The following ATP8A2 variants were observed in gnomAD, a reference collection of about 807,000 sequenced individuals.
The protein encoded by ATP8A2 is ATPase phospholipid transporting 8A2, also known as phospholipid-transporting ATPase IB.
Under a neutral mutation model 165.6 loss-of-function variants are expected in ATP8A2, and 100 were observed. That is an observed-to-expected ratio of 0.60 (90% CI 0.51 to 0.71). ATP8A2 has a LOEUF of 0.71. Among genes scored for constraint, ATP8A2 ranks in the 30% least tolerant of loss-of-function variants. The probability of loss-of-function intolerance (pLI) is 0.00; values close to 1 mark genes in which losing one functional copy is unlikely to be tolerated. For synonymous variants in ATP8A2, 543 were observed against 548.8 expected, an observed-to-expected ratio of 0.99 and a Z score of 0.15; for missense variants, 1,227 against 1,479.5, an observed-to-expected ratio of 0.83 and a Z score of 2.80.
At chr13:25,678,442 A>C (rs9511874) in intron 24 of ATP8A2, among the ~76,000 whole-genome samples, 145,203 of 152,142 alleles carry the variant, frequency 0.95, 69,398 homozygotes, top group Non-Finnish European at 0.98. Flanking sequence ...TGATTGAATT[A>C]CCTAGACCCC....
At chr13:25,818,200 G>A (rs190725360) in intron 27 of ATP8A2, among the ~76,000 whole-genome samples, 228 of 152,246 alleles carry the variant, frequency 1.5e-3, no homozygotes, top group Admixed American at 4.2e-3. Context: ...AAATGGGGAA[G>A]ATTTTTAAAG....
intron 28 of ATP8A2, among the ~76,000 whole-genome samples, chr13:25,834,489 G>C (rs1421723004): frequency 6.6e-6 from 1 of 152,126 alleles, no homozygotes; most frequent in Non-Finnish European, 1.5e-5. Context: ...CAAAGAACTG[G>C]AAAGAAAATG....
chr13:25,986,158 A>G (rs1956277484), intron 35 of ATP8A2, among the ~76,000 whole-genome samples: 1 of 152,154 alleles, frequency 6.6e-6, no homozygotes, highest in Admixed American at 6.5e-5. Context: ...AGATTGGGAG[A>G]TGATTGCCAC....
chr13:25,787,403 T>C (rs1167187763), intron 27 of ATP8A2, among the ~76,000 whole-genome samples: 1 of 152,244 alleles, frequency 6.6e-6, no homozygotes, highest in African/African-American at 2.4e-5. Flanking sequence ...TTATTGCTTT[T>C]ATTGCTGAGT....
At position 25,750,576 on chromosome 13, in the gene ATP8A2, T is replaced by A. The variant is rs1454979797; in HGVS notation, c.2385-18470T>A. 6.6e-6 allele frequency among the ~76,000 whole-genome samples: 1 copy of A among 152,156 alleles called. No individual in the cohort carries two copies. Among genetic ancestry groups the A allele is most frequent in the Non-Finnish European group, 1.5e-5 (1 of 68,032 alleles). On this transcript the variant is annotated intron_variant, in intron 25 of 36. Coordinates refer to ENST00000381655, the MANE Select transcript of ATP8A2 (RefSeq NM_016529.6). This position sits in a 1 kb window ranked among gnomAD's most constrained non-coding sequence, Gnocchi z 4.3. ...TTGGGAGCACCGTAGATACTTTCAG[T>A]TCAGCAGGGCCCTTCGCCCCACCAC...
intron 1 of ATP8A2, among the ~76,000 whole-genome samples, chr13:25,387,563 G>A (rs1389085033): frequency 1.3e-5 from 2 of 152,022 alleles, no homozygotes; most frequent in Non-Finnish European, 2.9e-5. Context: ...GGGCATAAAC[G>A]ACAAACCCAT....
chr13:25,841,332 A>G (rs1951743406), intron 30 of ATP8A2, among the ~76,000 whole-genome samples: 1 of 152,254 alleles, frequency 6.6e-6, no homozygotes, highest in African/African-American at 2.4e-5. Context: ...GCAGGCAGCC[A>G]ATAGGATGCT....
intron 27 of ATP8A2, among the ~76,000 whole-genome samples, chr13:25,775,666 CT>C (rs1236440387): frequency 6.6e-6 from 1 of 152,148 alleles, no homozygotes. Flanking sequence ...GATTACAGCC[CT>C]GCTATAAAGG....
intron 24 of ATP8A2, among the ~76,000 whole-genome samples, chr13:25,619,056 C>T (rs1363836077): frequency 6.6e-6 from 1 of 151,956 alleles, no homozygotes; most frequent in Non-Finnish European, 1.5e-5. Flanking sequence ...TTTTTTCTAG[C>T]GTTGAAGAAA....
At chr13:26,007,616 C>T (rs1956768230) in intron 35 of ATP8A2, among the ~76,000 whole-genome samples, 1 of 152,164 alleles carries the variant, frequency 6.6e-6, no homozygotes, top group Admixed American at 6.5e-5. Flanking sequence ...AAAGATCCTT[C>T]CAAACACACA....
At chr13:25,886,184 A>G (rs911753463) in intron 33 of ATP8A2, among the ~76,000 whole-genome samples, 2 of 152,234 alleles carry the variant, frequency 1.3e-5, no homozygotes, top group South Asian at 2.1e-4. Context: ...ATATTTATGT[A>G]TCTGTAACTA....
intron 2 of ATP8A2, among the ~76,000 whole-genome samples, chr13:25,525,685 G>A (rs2037820122): frequency 6.6e-6 from 1 of 152,086 alleles, no homozygotes; most frequent in Non-Finnish European, 1.5e-5. Context: ...AGATGAATTG[G>A]AGGTTCTTTA....
chr13:25,472,768 C>G (rs1473935926), intron 2 of ATP8A2, among the ~76,000 whole-genome samples: 3 of 152,150 alleles, frequency 2.0e-5, no homozygotes, highest in Non-Finnish European at 4.4e-5. Flanking sequence ...TCTGCTGACT[C>G]AGGGCTAACT....
intron 33 of ATP8A2, among the ~76,000 whole-genome samples, chr13:25,922,206 A>C (rs967645668): frequency 2.0e-5 from 3 of 152,198 alleles, no homozygotes; most frequent in African/African-American, 7.2e-5. Context: ...AATTTCAAAA[A>C]ATCTCTGTGG....
chr13:25,386,983 C>A (rs781476411), intron 1 of ATP8A2, among the ~76,000 whole-genome samples: 4 of 95,728 alleles, frequency 4.2e-5, no homozygotes, highest in Non-Finnish European at 1.1e-4. Flanking sequence ...GGCGTCAGAG[C>A]GAGACTCCAT....
chr13:25,432,537 T>C (rs1238477064), intron 1 of ATP8A2, among the ~76,000 whole-genome samples: 1 of 152,194 alleles, frequency 6.6e-6, no homozygotes, highest in Non-Finnish European at 1.5e-5. Context: ...TGATGGTTTC[T>C]ACCAAAATCC....
At position 25,579,768 on chromosome 13, in the gene ATP8A2, G is replaced by A. The variant is rs181060383; in HGVS notation, c.1868-40G>A. 332 of 1,606,676 alleles carry A rather than the reference G, an allele frequency of 2.1e-4. No homozygotes were observed. In the African/African-American group the frequency reaches 3.8e-3, roughly 19 times the overall value. ...CACAGGCTGTCCCCTAGGAGGTCAC[G>A]CGTTCTGCCTGCCTCCATTCACCAG... On this transcript the variant is annotated intron_variant, in intron 21 of 36. Transcript: ENST00000381655.
At chr13:25,861,283 G>A (rs1206530094) in intron 32 of ATP8A2, among the ~76,000 whole-genome samples, 5 of 151,988 alleles carry the variant, frequency 3.3e-5, no homozygotes, top group Admixed American at 3.3e-4. Flanking sequence ...ATAAGATGAT[G>A]CATTATAAAA....
At chr13:25,393,133 CTT>C (rs113512127) in intron 1 of ATP8A2, among the ~76,000 whole-genome samples, 7 of 138,516 alleles carry the variant, frequency 5.1e-5, no homozygotes, top group Non-Finnish European at 9.2e-5. Context: ...TATTTACATA[CTT>C]TTTTTTTTTT....
Sources: gnomAD v4.1 joint callset for allele counts (sites outside exome capture counted in the v4.1 genomes callset) on GRCh38, gnomAD v4.1.1 for gene constraint, Gnocchi (gnomAD v3.1) non-coding constraint, MANE v1.5 for transcripts, NCBI Gene and HGNC (gene_info 2026-07-23, HGNC 2026-07-21) for gene names.